CCBE1: variants seen among roughly 807,000 people sequenced by gnomAD.
CCBE1 encodes the protein collagen and calcium binding EGF domains 1.
CCBE1 carries 37 observed loss-of-function variants against 50.0 expected under a neutral mutation model. The ratio of observed to expected loss-of-function variants is 0.74; its 90% CI spans 0.57 to 0.97. CCBE1 has a LOEUF of 0.97. Among genes scored for constraint, CCBE1 ranks in the 50% least tolerant of loss-of-function variants. The pLI, the probability that CCBE1 is intolerant of heterozygous loss-of-function variation, is 0.00. For synonymous variants in CCBE1, 234 were observed against 203.7 expected (o/e 1.15, Z -1.27); for missense variants, 538 against 523.8 (o/e 1.03, Z -0.26).
chr18:59,528,364 TTAA>T (rs1914911864), intron 2 of CCBE1, among the ~76,000 whole-genome samples: 1 of 151,202 alleles, frequency 6.6e-6, no homozygotes, highest in East Asian at 1.9e-4. Context: ...AACAGCTTGT[TTAA>T]TGTTTTATCA....
rs139440426 is a variant in CCBE1, at chr18:59,585,796, T to C, written c.213-105558A>G. On this transcript the variant is annotated intron_variant, in intron 2 of 10. Coordinates refer to ENST00000439986, the MANE Select transcript of CCBE1 (RefSeq NM_133459.4). Reference sequence around the variant, plus strand: ...GTACAAACAGCTTAATCCACACACATAGGCATTAATATCATTTAAAAATTG... The same window carrying C: ...GTACAAACAGCTTAATCCACACACACAGGCATTAATATCATTTAAAAATTG... Among the ~76,000 whole-genome samples, 49 of 152,334 alleles carry C rather than the reference T, an allele frequency of 3.2e-4. No individual in the cohort carries two copies. The East Asian group carries it at 8.5e-3, about 26-fold the overall frequency.
chr18:59,619,244 T>C (rs989795555), intron 2 of CCBE1, among the ~76,000 whole-genome samples: 6 of 152,196 alleles, frequency 3.9e-5, no homozygotes, highest in African/African-American at 1.4e-4. Flanking sequence ...TGGACTATCA[T>C]GTGAGGAGGG....
intron 2 of CCBE1, among the ~76,000 whole-genome samples, chr18:59,639,725 T>C (rs1481535719): frequency 6.7e-6 from 1 of 150,200 alleles, no homozygotes; most frequent in African/African-American, 2.5e-5. Context: ...GGCGATATGA[T>C]TTTATACCTA....
intron 2 of CCBE1, among the ~76,000 whole-genome samples, chr18:59,531,442 A>G (rs1255404458): frequency 6.6e-6 from 1 of 152,160 alleles, no homozygotes; most frequent in Non-Finnish European, 1.5e-5. Context: ...AGAGGAGCCA[A>G]AAAAAATTTT....
chr18:59,616,705 C>T (rs1208523191), intron 2 of CCBE1, among the ~76,000 whole-genome samples: 1 of 152,186 alleles, frequency 6.6e-6, no homozygotes, highest in African/African-American at 2.4e-5. Context: ...TGGAGGGGTG[C>T]CAGGATTAGA....
At chr18:59,521,829 A>C (rs1277550325) in intron 2 of CCBE1, among the ~76,000 whole-genome samples, 5 of 152,248 alleles carry the variant, frequency 3.3e-5, no homozygotes, top group Admixed American at 2.6e-4. Context: ...TCGACAAAAA[A>C]GTTTAGTCAT....
At chr18:59,651,423 T>C (rs2054126904) in intron 2 of CCBE1, among the ~76,000 whole-genome samples, 1 of 152,238 alleles carries the variant, frequency 6.6e-6, no homozygotes, top group Non-Finnish European at 1.5e-5. Context: ...CGAGACTGCA[T>C]GCCAAACGCT....
At chr18:59,626,081 A>G (rs2053780686) in intron 2 of CCBE1, among the ~76,000 whole-genome samples, 2 of 152,252 alleles carry the variant, frequency 1.3e-5, no homozygotes, top group South Asian at 4.1e-4. Context: ...AAAATGCTAC[A>G]TAGACATGCA....
chr18:59,582,999 T>G (rs1167223743), intron 2 of CCBE1, among the ~76,000 whole-genome samples: 1 of 152,134 alleles, frequency 6.6e-6, no homozygotes, highest in African/African-American at 2.4e-5. Flanking sequence ...AAAAATTTTC[T>G]TTTTGTAGAG....
chr18:59,671,500 A>AC (rs1491537943), intron 2 of CCBE1, among the ~76,000 whole-genome samples: 1 of 48,828 alleles, frequency 2.0e-5, no homozygotes, highest in Non-Finnish European at 3.9e-5. Flanking sequence ...CTTGTCTCAG[A>AC]AAAAAAAAAA....
At chr18:59,439,114 G>A (rs1346752205) in intron 9 of CCBE1, among the ~76,000 whole-genome samples, 3 of 152,044 alleles carry the variant, frequency 2.0e-5, no homozygotes, top group African/African-American at 7.2e-5. Context: ...ATGAAACCCT[G>A]TCTCTACTGA....
At chr18:59,661,406 T>C (rs1170741251) in intron 2 of CCBE1, among the ~76,000 whole-genome samples, 1 of 152,220 alleles carries the variant, frequency 6.6e-6, no homozygotes, top group African/African-American at 2.4e-5. Flanking sequence ...TTTTGAGTCT[T>C]ATATTCATTA....
At chr18:59,596,905 A>G (rs2053359528) in intron 2 of CCBE1, among the ~76,000 whole-genome samples, 1 of 152,274 alleles carries the variant, frequency 6.6e-6, no homozygotes, top group Non-Finnish European at 1.5e-5. Context: ...AGACAGTACC[A>G]GGAGAACATG....
chr18:59,514,645 G>GGA (rs764006379), intron 2 of CCBE1, among the ~76,000 whole-genome samples: 3 of 96,024 alleles, frequency 3.1e-5, no homozygotes, highest in East Asian at 2.9e-4. Context: ...TCCTTTCCTT[G>GGA]AAAAAAAAAA....
intron 2 of CCBE1, among the ~76,000 whole-genome samples, chr18:59,561,825 G>A (rs1016795044): frequency 9.2e-5 from 14 of 152,182 alleles, no homozygotes; most frequent in African/African-American, 2.7e-4. Context: ...GTGTGAGGGC[G>A]GCCAGCTCAA....
In CCBE1 at chr18:59,612,318, G is replaced by A. The variant is rs73961280; in HGVS notation, c.212+84311C>T. Reference sequence around the variant, plus strand: ...TAAAAAAAAAAAAGAAAAAAAAAGGGAAGAAAAAAAAGAAAAAAAAAAAAA... The same window carrying A: ...TAAAAAAAAAAAAGAAAAAAAAAGGAAAGAAAAAAAAGAAAAAAAAAAAAA... On this transcript the variant is annotated intron_variant, in intron 2 of 10. Coordinates refer to ENST00000439986, the MANE Select transcript of CCBE1 (RefSeq NM_133459.4). 7.6e-3 allele frequency among the ~76,000 whole-genome samples: 935 copies of A among 123,010 alleles called. 14 individuals are homozygous for A. The highest frequency in any genetic ancestry group is 0.027 in the African/African-American group (884 of 32,830). 80.7% of individuals were successfully genotyped at this position (123,010 alleles called of 152,430 possible). A position where few individuals can be genotyped will look rare whatever the true frequency, so the allele number is the denominator to read the frequency against.
intron 2 of CCBE1, among the ~76,000 whole-genome samples, chr18:59,695,539 G>A (rs945550157): frequency 4.6e-5 from 7 of 152,172 alleles, no homozygotes; most frequent in Non-Finnish European, 7.3e-5. Context: ...GCAGAAGTAC[G>A]CGATGTAACT....
chr18:59,489,939 T>C (rs1240110188), intron 2 of CCBE1, among the ~76,000 whole-genome samples: 7 of 149,516 alleles, frequency 4.7e-5, no homozygotes, highest in Non-Finnish European at 8.9e-5. Flanking sequence ...TTGTAAAAAA[T>C]AAAATATGAT....
At chr18:59,632,702 G>A (rs979648051) in intron 2 of CCBE1, among the ~76,000 whole-genome samples, 30 of 152,284 alleles carry the variant, frequency 2.0e-4, no homozygotes, top group African/African-American at 7.0e-4. Context: ...CTAGTCTCCT[G>A]CCTCGGCCTC....
Sources: gnomAD v4.1 joint callset for allele counts (sites outside exome capture counted in the v4.1 genomes callset) on GRCh38, gnomAD v4.1.1 for gene constraint, MANE v1.5 for transcripts, NCBI Gene and HGNC (gene_info 2026-07-23, HGNC 2026-07-21) for gene names.